The following FLI1 variants were observed in gnomAD, a reference collection of about 807,000 sequenced individuals.
FLI1 encodes the protein Friend leukemia integration 1 transcription factor.
FLI1 carries 13 observed loss-of-function variants against 53.1 expected under a neutral mutation model. That is an observed-to-expected ratio of 0.24 (90% confidence interval 0.16 to 0.39). FLI1 has a LOEUF of 0.39. Among genes scored for constraint, FLI1 ranks in the 10% least tolerant of loss-of-function variants. The probability of loss-of-function intolerance (pLI) is 1.00; values close to 1 mark genes in which losing one functional copy is unlikely to be tolerated. For synonymous variants in FLI1, 244 were observed against 236.7 expected, an observed-to-expected ratio of 1.03 and a Z score of -0.28; for missense variants, 424 against 600.5, an observed-to-expected ratio of 0.71 and a Z score of 3.07.
chr11:128,793,825 G>A (rs562250002), intron 5 of FLI1, among the ~76,000 whole-genome samples: 12 of 152,306 alleles, frequency 7.9e-5, no homozygotes, highest in African/African-American at 2.6e-4. Context: ...CTCCAAGTGG[G>A]GCAGGGAACT....
chr11:128,765,636 C>T (rs553728743), intron 2 of FLI1, among the ~76,000 whole-genome samples: 7 of 152,254 alleles, frequency 4.6e-5, no homozygotes, highest in Non-Finnish European at 1.0e-4. Flanking sequence ...CCACCTCTCC[C>T]ACAGAGGCCG....
At chr11:128,789,480 C>A (rs1309372387) in intron 5 of FLI1, among the ~76,000 whole-genome samples, 4 of 152,130 alleles carry the variant, frequency 2.6e-5, no homozygotes, top group Admixed American at 2.0e-4. Flanking sequence ...GGTGATGGGG[C>A]CTCAGGGTTC....
intron 1 of FLI1, among the ~76,000 whole-genome samples, chr11:128,706,668 C>A (rs1189868799): frequency 3.9e-5 from 6 of 152,184 alleles, no homozygotes; most frequent in Non-Finnish European, 8.8e-5. Context: ...GCAAAGATAT[C>A]AAGGCTCATT....
intron 3 of FLI1, among the ~76,000 whole-genome samples, chr11:128,771,149 T>C (rs1941539068): frequency 6.6e-6 from 1 of 152,204 alleles, no homozygotes; most frequent in African/African-American, 2.4e-5. Context: ...ATTTCCTTGG[T>C]AAGTAAAAAT....
Position 128,768,120 on chromosome 11 carries a change from A to T in FLI1, c.233A>T (p.Glu78Val), listed in dbSNP as rs1340932654. The T allele has an allele frequency of 1.9e-6, 3 of 1,610,242 alleles. No homozygotes were observed. The highest frequency in any genetic ancestry group is 2.5e-6 in the Non-Finnish European group (3 of 1,177,714). ...REYDHMNGSRESPVDCSVSKC... is the reference protein window; with the variant it reads ...REYDHMNGSRVSPVDCSVSKC... ...GGCTTTGTCTCTTCTCACTTTAGGG[A>T]GTCTCCGGTGGACTGCAGCGTTAGC... Residue 78 changes from glutamate to valine, a missense_variant and splice_region_variant, in exon 3 of 9, where the codon GAG becomes GTG. Physicochemically the swap from Glu to Val is moderately radical, Grantham distance 121. Transcript: ENST00000527786.
At position 128,701,638 on chromosome 11, in the gene FLI1, A is replaced by G. The variant is rs551738578; in HGVS notation, c.18+7362A>G. ...ATCTTTGGGAAACAATGTGTCTGCC[A>G]TTTAGTTTAAGATCAAAATCTCAGA... On this transcript the variant is annotated intron_variant, in intron 1 of 8. Transcript: ENST00000527786. Among the ~76,000 whole-genome samples the G allele has an allele frequency of 5.9e-5, 9 of 152,358 alleles. No homozygotes were observed. In the East Asian group the frequency reaches 7.7e-4, roughly 13 times the overall value.
At chr11:128,796,583 A>G (rs1036982931) in intron 5 of FLI1, among the ~76,000 whole-genome samples, 1 of 152,184 alleles carries the variant, frequency 6.6e-6, no homozygotes, top group African/African-American at 2.4e-5. Context: ...CCAAGACTTG[A>G]TGGTTCTTTT....
rs192479809 is a variant in FLI1 at position 128,740,266 on chromosome 11, A to G, written c.19-17849A>G. ...TCCATAAGGCTCTCCAGGGACCCAC[A>G]CGGGCCTGAAAGAGGAAATGTTGTC... is the stretch of plus-strand genomic sequence containing the variant. On this transcript the variant is annotated intron_variant, in intron 1 of 8. Transcript: ENST00000527786. 3.5e-3 allele frequency among the ~76,000 whole-genome samples: 539 copies of G among 152,330 alleles called. 6 individuals are homozygous for G. Among genetic ancestry groups the G allele is most frequent in the Non-Finnish European group, 4.8e-3 (324 of 68,024 alleles).
chr11:128,772,269 A>G (rs1941592098), intron 3 of FLI1, among the ~76,000 whole-genome samples: 1 of 152,230 alleles, frequency 6.6e-6, no homozygotes, highest in South Asian at 2.1e-4. Flanking sequence ...TGTGCTCAAA[A>G]GGAGAAAAAT....
chr11:128,769,710 C>G (rs1439451390), intron 3 of FLI1, among the ~76,000 whole-genome samples: 1 of 152,178 alleles, frequency 6.6e-6, no homozygotes, highest in Non-Finnish European at 1.5e-5. Flanking sequence ...AGCATCTGAC[C>G]TAACAAAGGA....
chr11:128,751,319 C>T, intron 1 of FLI1, among the ~76,000 whole-genome samples: 1 of 152,014 alleles, frequency 6.6e-6, no homozygotes, highest in East Asian at 1.9e-4. Flanking sequence ...GGTTCTCACG[C>T]CATTTCTCAG....
chr11:128,730,561 A>T (rs1270486614), intron 1 of FLI1, among the ~76,000 whole-genome samples: 1 of 152,154 alleles, frequency 6.6e-6, no homozygotes, highest in Admixed American at 6.5e-5. Flanking sequence ...ACATGTTTTC[A>T]TTTCTTTTTG....
chr11:128,805,598 GA>G (rs1380055049), intron 6 of FLI1, 167 bp downstream of exon 6: 1 of 552,764 alleles, frequency 1.8e-6, no homozygotes, highest in African/African-American at 1.9e-5. Context: ...ACCAGTCCTT[GA>G]AAGATGATAT....
In FLI1 at chr11:128,811,117, C is replaced by A. The variant is rs1364303724; in HGVS notation, c.*129C>A. 1.1e-6 allele frequency: 1 copy of A among 904,762 alleles called. No individual in the cohort carries two copies. The highest frequency in any genetic ancestry group is 1.7e-6 in the Non-Finnish European group (1 of 578,290). 56.0% of individuals were successfully genotyped at this position (904,762 alleles called of 1,614,324 possible). On this transcript the variant is annotated 3_prime_UTR_variant, in exon 9 of 9. Transcript: ENST00000527786. ...GGATGTTCTTTCTTGTTGGATAGAACCTTTGTATTTGTTCTTTAAAAACAT... is the reference window on the plus strand; with the variant it reads ...GGATGTTCTTTCTTGTTGGATAGAAACTTTGTATTTGTTCTTTAAAAACAT...
At position 128,719,466 on chromosome 11, in the gene FLI1, G is replaced by C. The variant is rs1045783918; in HGVS notation, c.18+25190G>C. 2.6e-4 allele frequency among the ~76,000 whole-genome samples: 40 copies of C among 151,754 alleles called. 1 individual carries two copies. The highest frequency in any genetic ancestry group is 5.9e-5 in the Non-Finnish European group (4 of 67,980). On this transcript the variant is annotated intron_variant, in intron 1 of 8. Coordinates refer to ENST00000527786, the MANE Select transcript of FLI1 (RefSeq NM_002017.5). The stretch of plus-strand genomic sequence containing the variant: ...TGGGAGTCTCAGGCTGCCTGCCTCT[G>C]ATAGATGTGACATTGTGAAGTTGCT...
chr11:128,799,703 C>T (rs751523403), intron 5 of FLI1, among the ~76,000 whole-genome samples: 2 of 152,172 alleles, frequency 1.3e-5, no homozygotes, highest in Non-Finnish European at 2.9e-5. Flanking sequence ...GGGCTGAGGG[C>T]GCGGACTCGA....
chr11:128,721,477 G>A (rs1223238965), intron 1 of FLI1, among the ~76,000 whole-genome samples: 1 of 152,198 alleles, frequency 6.6e-6, no homozygotes, highest in East Asian at 1.9e-4. Flanking sequence ...TTTGCTTTAT[G>A]TTTGAAATTG....
At chr11:128,713,568 T>C (rs1049239966) in intron 1 of FLI1, among the ~76,000 whole-genome samples, 1 of 150,564 alleles carries the variant, frequency 6.6e-6, no homozygotes, top group Admixed American at 6.6e-5. Flanking sequence ...AGTACAGCAG[T>C]AAAGCAGACA....
chr11:128,777,535 G>C (rs1182254925), intron 4 of FLI1, among the ~76,000 whole-genome samples: 1 of 152,200 alleles, frequency 6.6e-6, no homozygotes, highest in Non-Finnish European at 1.5e-5. Flanking sequence ...TTTTGAGTCT[G>C]GGCAATTAAG....
Sources: allele counts gnomAD v4.1 joint callset (sites outside exome capture counted in the v4.1 genomes callset), GRCh38; gene constraint gnomAD v4.1.1; transcripts MANE v1.5; gene names NCBI Gene and HGNC (gene_info 2026-07-23, HGNC 2026-07-21).